Variants in ZCCHC14 observed in about 807,000 individuals in gnomAD.
ZCCHC14 encodes the protein zinc finger CCHC domain-containing protein 14.
In ZCCHC14, 16 loss-of-function variants were observed where a neutral mutation model predicts 85.0. That is an observed-to-expected ratio of 0.19 (90% CI 0.13 to 0.29). The LOEUF (loss-of-function observed/expected upper bound fraction) is 0.29. ZCCHC14 is among the 10% of genes least tolerant of loss of function. ZCCHC14 has a pLI of 1.00. For missense variants in ZCCHC14, 1,303 were observed against 1,443.5 expected (o/e 0.90, Z 1.58); for synonymous variants, 775 against 630.7 (o/e 1.23, Z -3.43).
Position 87,423,985 on chromosome 16 carries a change from G to A in ZCCHC14, c.769-104C>T, listed in dbSNP as rs1486392783. 4 of 1,219,406 alleles carry A rather than the reference G, an allele frequency of 3.3e-6. No homozygotes were observed. In the East Asian group the frequency reaches 1.0e-4, roughly 31 times the overall value. The allele number at this position is 1,219,406 out of a possible 1,614,324, so 75.5% of individuals were successfully genotyped here. ...GGGCACACGTTCAGTCGGCAGCTGAGCCCAGTGGGCCGTGCACCTGCTGTG... is the reference window on the plus strand; with the variant it reads ...GGGCACACGTTCAGTCGGCAGCTGAACCCAGTGGGCCGTGCACCTGCTGTG... On this transcript the variant is annotated intron_variant, in intron 3 of 12. Transcript: ENST00000671377.
rs1414368677 is a variant in ZCCHC14, at chr16:87,491,656, G to A, written c.570+13C>T. ...ACTTGGGGTACAGGGCAGAGCTCGG[G>A]GCGGGCACGCACCTTGTGGCAGGCT... On this transcript the variant is annotated intron_variant, in intron 1 of 12. Coordinates refer to ENST00000671377, the MANE Select transcript of ZCCHC14 (RefSeq NM_015144.3). The surrounding 1 kb of genome is among the most constrained non-coding windows in gnomAD (Gnocchi z 5.9). 1.4e-6 allele frequency: 2 copies of A among 1,397,744 alleles called. No homozygotes were observed. Among genetic ancestry groups the A allele is most frequent in the Non-Finnish European group, 1.8e-6 (2 of 1,081,228 alleles). The allele number at this position is 1,397,744 out of a possible 1,614,324, so 86.6% of individuals were successfully genotyped here.
At chr16:87,484,698 G>A (rs973221284) in intron 1 of ZCCHC14, among the ~76,000 whole-genome samples, 1 of 152,220 alleles carries the variant, frequency 6.6e-6, no homozygotes, top group African/African-American at 2.4e-5. Flanking sequence ...GGCCTCAGTG[G>A]TGAAGCGACT....
chr16:87,461,333 C>A (rs1228199693), intron 1 of ZCCHC14, among the ~76,000 whole-genome samples: 1 of 152,148 alleles, frequency 6.6e-6, no homozygotes. Flanking sequence ...AATTTCACAG[C>A]CAAAACACAT....
intron 7 of ZCCHC14, 106 bp downstream of exon 7, chr16:87,418,741 T>C (rs1486129866): frequency 6.9e-6 from 8 of 1,165,516 alleles, no homozygotes; most frequent in Non-Finnish European, 1.0e-5. Context: ...CATCCAAGAC[T>C]CAACTTGAGC....
chr16:87,458,577 T>A (rs1033204048), intron 2 of ZCCHC14, among the ~76,000 whole-genome samples: 4 of 152,066 alleles, frequency 2.6e-5, no homozygotes, highest in African/African-American at 9.7e-5. Flanking sequence ...GGGAAATGGG[T>A]CCTTCCTGAG....
intron 9 of ZCCHC14, 123 bp from the exon 10 acceptor site, chr16:87,414,664 G>A: frequency 7.5e-7 from 1 of 1,335,062 alleles, no homozygotes; most frequent in Non-Finnish European, 1.0e-6. Context: ...CTTCGAGATG[G>A]GTCTACTCCA....
At chr16:87,442,119 C>T (rs887200575) in intron 2 of ZCCHC14, among the ~76,000 whole-genome samples, 9 of 152,190 alleles carry the variant, frequency 5.9e-5, no homozygotes, top group African/African-American at 1.2e-4. Context: ...AACCCCGTGG[C>T]GTTGTGGGTG....
chr16:87,413,050 C>T lies in ZCCHC14; in HGVS notation c.1744+5G>A. The T allele has an allele frequency of 6.2e-7, 1 of 1,614,172 alleles. No individual in the cohort carries two copies. Among genetic ancestry groups the T allele is most frequent in the Non-Finnish European group, 8.5e-7 (1 of 1,180,028 alleles). On this transcript the variant is annotated splice_donor_5th_base_variant and intron_variant, in intron 11 of 12. Transcript: ENST00000671377. ...GTCGAGCCAGCGCCGCGCACGTGCCCTTACGTCTGTCATTCTCCTCAGCGC... is the reference window on the plus strand; with the variant it reads ...GTCGAGCCAGCGCCGCGCACGTGCCTTTACGTCTGTCATTCTCCTCAGCGC...
rs577390217 is a variant in ZCCHC14, at chr16:87,411,798, C to T, written c.2923G>A (p.Ala975Thr). ...SPMCSSGYVS[A>T]QQYGGGSTFP... ...GTGGAGCCGCCGCCGTACTGCTGGG[C>T]GCTGACGTAGCCGCTGCTGCACATG... Residue 975 changes from alanine to threonine, a missense_variant, in exon 12 of 13, where the codon GCC (alanine) becomes ACC (threonine). Coordinates refer to ENST00000671377, the MANE Select transcript of ZCCHC14 (RefSeq NM_015144.3). 55 of 1,611,830 alleles carry T rather than the reference C, an allele frequency of 3.4e-5. No homozygotes were observed. Among genetic ancestry groups the T allele is most frequent in the East Asian group, 4.5e-5 (2 of 44,822 alleles).
At chr16:87,438,068 G>A (rs753645609) in intron 2 of ZCCHC14, among the ~76,000 whole-genome samples, 3 of 152,264 alleles carry the variant, frequency 2.0e-5, no homozygotes, top group Non-Finnish European at 2.9e-5. Flanking sequence ...TGCCACCTAT[G>A]GAGAAAATGA....
chr16:87,493,021 A>C lies in ZCCHC14; in HGVS notation c.-783T>G, dbSNP rs1157653661. Among the ~76,000 whole-genome samples, 1 of 151,862 alleles carries C rather than the reference A, an allele frequency of 6.6e-6. No individual in the cohort carries two copies. Among genetic ancestry groups the C allele is most frequent in the Non-Finnish European group, 1.5e-5 (1 of 67,922 alleles). The stretch of plus-strand genomic sequence containing the variant: ...GCTGACGGGCGGCCGGGATCAGCAG[A>C]AGTGGGCGGGGTGGCCGCCTCTCGC... On this transcript the variant is annotated 5_prime_UTR_variant, in exon 1 of 13. Transcript: ENST00000671377.
At chr16:87,485,592 A>G (rs1385061703) in intron 1 of ZCCHC14, among the ~76,000 whole-genome samples, 1 of 143,824 alleles carries the variant, frequency 7.0e-6, no homozygotes, top group African/African-American at 2.7e-5. Flanking sequence ...CAGTTTTCCA[A>G]AAAAAAAAAA....
chr16:87,468,736 T>A (rs1238416088), intron 1 of ZCCHC14, among the ~76,000 whole-genome samples: 1 of 152,200 alleles, frequency 6.6e-6, no homozygotes, highest in Admixed American at 6.5e-5. Context: ...TTCTGTGAAC[T>A]GGGGTGGGGA....
In ZCCHC14 at chr16:87,414,101, G is replaced by C. The variant is rs12933902; in HGVS notation, c.1603+313C>G. On this transcript the variant is annotated intron_variant, in intron 10 of 12. Transcript: ENST00000671377. ...AGGCCCTCTCTGTGTCTGCGTAACC[G>C]ACCTGCCCGGCACACCGGCCCTCTC... Among the ~76,000 whole-genome samples the C allele has an allele frequency of 7.1e-3, 923 of 130,156 alleles. 10 individuals are homozygous for C. Among genetic ancestry groups the C allele is most frequent in the African/African-American group, 0.027 (707 of 26,114 alleles). The allele number at this position is 130,156 out of a possible 152,430, so 85.4% of individuals were successfully genotyped here. A position where few individuals can be genotyped will look rare whatever the true frequency, so the allele number is the denominator to read the frequency against.
chr16:87,492,246 C>T lies in ZCCHC14; in HGVS notation c.-8G>A. The T allele has an allele frequency of 1.0e-6, 1 of 982,312 alleles. No homozygotes were observed. The highest frequency in any genetic ancestry group is 1.2e-6 in the Non-Finnish European group (1 of 828,992). 60.8% of individuals were successfully genotyped at this position (982,312 alleles called of 1,614,324 possible). On this transcript the variant is annotated 5_prime_UTR_variant, in exon 1 of 13. Coordinates refer to ENST00000671377, the MANE Select transcript of ZCCHC14 (RefSeq NM_015144.3). This position sits in a 1 kb window ranked among gnomAD's most constrained non-coding sequence, Gnocchi z 6.7. ...GCAGCGCTTCTCCACCATGCTGCCGCCCGCGCCGCGCCGCGACCCGGGGCC... is the reference window on the plus strand; with the variant it reads ...GCAGCGCTTCTCCACCATGCTGCCGTCCGCGCCGCGCCGCGACCCGGGGCC...
intron 1 of ZCCHC14, among the ~76,000 whole-genome samples, chr16:87,460,759 T>G (rs977050881): frequency 6.6e-6 from 1 of 152,224 alleles, no homozygotes; most frequent in Non-Finnish European, 1.5e-5. Context: ...AGGCAAACTT[T>G]TATTTTCATA....
chr16:87,423,714 G>C, intron 4 of ZCCHC14, 96 bp downstream of exon 4: 1 of 1,402,640 alleles, frequency 7.1e-7, no homozygotes, highest in East Asian at 2.3e-5. Context: ...TCACTCGCTA[G>C]CTGAAGGGAG....
chr16:87,412,439 C>T lies in ZCCHC14; in HGVS notation c.2282G>A (p.Gly761Glu), dbSNP rs751003090. 1 of 1,613,920 alleles carries T rather than the reference C, an allele frequency of 6.2e-7. No homozygotes were observed. The highest frequency in any genetic ancestry group is 1.7e-5 in the Admixed American group (1 of 60,028). The part of the protein sequence containing the change: ...LVVETSTAAT[G>E]TPSTVLHAAR... ...GGCGTGGAGGACTGTGCTGGGCGTC[C>T]CCGTGGCGGCCGTGCTGGTCTCCAC... The change falls in exon 12 of 13, where the codon GGG becomes GAG. Residue 761 changes from glycine (G) to glutamate (E), a missense_variant. This residue lies in a region of ZCCHC14 where 797 missense variants were observed against 730.8 expected (regional missense o/e 1.09). Coordinates refer to ENST00000671377, the MANE Select transcript of ZCCHC14 (RefSeq NM_015144.3).
chr16:87,417,866 C>G, intron 7 of ZCCHC14, 124 bp from the exon 8 acceptor site: 3 of 1,214,042 alleles, frequency 2.5e-6, no homozygotes, highest in Non-Finnish European at 3.3e-6. Context: ...CCTGTTGTCA[C>G]AGGCCACCCT....
Sources: gnomAD v4.1 joint callset for allele counts (sites outside exome capture counted in the v4.1 genomes callset) on GRCh38, gnomAD v4.1.1 for gene constraint, gnomAD v4.1.1 regional missense constraint, Gnocchi (gnomAD v3.1) non-coding constraint, MANE v1.5 for transcripts, NCBI Gene and HGNC (gene_info 2026-07-23, HGNC 2026-07-21) for gene names.